Variants in ELAVL3 observed in about 807,000 individuals in gnomAD.
ELAVL3 encodes the protein ELAV like RNA binding protein 3, also known as ELAV-like protein 3.
In ELAVL3, 8 loss-of-function variants were observed where a neutral mutation model predicts 34.2. The observed-to-expected ratio is 0.23, with a 90% confidence interval of 0.14 to 0.42. The LOEUF is 0.42. Ranked by LOEUF, ELAVL3 falls within the 10% of genes least tolerant of loss-of-function variation. The probability of loss-of-function intolerance (pLI) is 1.00; values close to 1 mark genes in which losing one functional copy is unlikely to be tolerated. For missense variants in ELAVL3, 273 were observed against 518.8 expected, an observed-to-expected ratio of 0.53 and a Z score of 4.60; for synonymous variants, 209 against 222.1, an observed-to-expected ratio of 0.94 and a Z score of 0.53.
chr19:11,458,291 C>T lies in ELAVL3; in HGVS notation c.488-5G>A. 2 of 1,613,448 alleles carry T rather than the reference C, an allele frequency of 1.2e-6. No homozygotes were observed. Among genetic ancestry groups the T allele is most frequent in the Non-Finnish European group, 1.7e-6 (2 of 1,179,902 alleles). On this transcript the variant is annotated splice_polypyrimidine_tract_variant and splice_region_variant and intron_variant, in intron 4 of 6. Coordinates refer to ENST00000359227, the MANE Select transcript of ELAVL3 (RefSeq NM_001420.4). The surrounding 1 kb of genome is among the most constrained non-coding windows in gnomAD (Gnocchi z 7.3). Reference sequence around the variant, plus strand: ...ATCCCACACCCCGAGAGACACCTGCCAGGGGGCAGGGATGTCCATCACGAC... The same window carrying T: ...ATCCCACACCCCGAGAGACACCTGCTAGGGGGCAGGGATGTCCATCACGAC...
intron 3 of ELAVL3, among the ~76,000 whole-genome samples, chr19:11,463,259 G>A (rs1057218355): frequency 4.6e-5 from 7 of 152,242 alleles, no homozygotes; most frequent in Admixed American, 1.3e-4. Flanking sequence ...CCTGGCCCGC[G>A]GCAGGCAGCT....
intron 3 of ELAVL3, among the ~76,000 whole-genome samples, chr19:11,464,701 CCA>C (rs1443297296): frequency 1.5e-5 from 2 of 136,394 alleles, no homozygotes; most frequent in African/African-American, 2.8e-5. Flanking sequence ...CACACATACA[CCA>C]CACACACCAC....
chr19:11,469,431 C>T (rs896004953), intron 1 of ELAVL3, among the ~76,000 whole-genome samples: 1 of 152,116 alleles, frequency 6.6e-6, no homozygotes, highest in Non-Finnish European at 1.5e-5. Flanking sequence ...TAGGCATGCG[C>T]CACCATGCCC....
At chr19:11,468,295 T>C (rs1441815462) in intron 1 of ELAVL3, among the ~76,000 whole-genome samples, 1 of 152,188 alleles carries the variant, frequency 6.6e-6, no homozygotes, top group Non-Finnish European at 1.5e-5. Context: ...TTTTATTGTA[T>C]AACATAAAAC....
intron 1 of ELAVL3, among the ~76,000 whole-genome samples, chr19:11,478,822 G>A (rs956759571): frequency 5.9e-5 from 9 of 152,032 alleles, no homozygotes; most frequent in Non-Finnish European, 8.8e-5. Context: ...CCCCAGCTGC[G>A]GCCCCTGGCC....
chr19:11,458,738 C>T lies in ELAVL3; in HGVS notation c.334-127G>A. 7.8e-6 allele frequency: 10 copies of T among 1,289,168 alleles called. No homozygotes were observed. The highest frequency in any genetic ancestry group is 1.1e-5 in the Non-Finnish European group (10 of 934,220). The allele number at this position is 1,289,168 out of a possible 1,614,324, so 79.9% of individuals were successfully genotyped here. The stretch of plus-strand genomic sequence containing the variant: ...CCCATCCGTCACTCAATAAGTATCT[C>T]TAGAGTTGTCACCGTGGGGTGGGGC... On this transcript the variant is annotated intron_variant, in intron 3 of 6. Transcript: ENST00000359227. This position sits in a 1 kb window ranked among gnomAD's most constrained non-coding sequence, Gnocchi z 7.3.
Position 11,466,588 on chromosome 19 carries a change from C to T in ELAVL3, c.229+20G>A, listed in dbSNP as rs200299169. The T allele has an allele frequency of 2.2e-5, 35 of 1,613,046 alleles. No individual in the cohort carries two copies. The highest frequency in any genetic ancestry group is 1.1e-4 in the South Asian group (10 of 91,016). On this transcript the variant is annotated intron_variant, in intron 2 of 6. Transcript: ENST00000359227. The surrounding 1 kb of genome is among the most constrained non-coding windows in gnomAD (Gnocchi z 5.0). Reference sequence around the variant, plus strand: ...TGAGGCTACCACCTCTGTTCCTCCCCGCAACTCCAGCAGCCACACCTGTGA... The same window carrying T: ...TGAGGCTACCACCTCTGTTCCTCCCTGCAACTCCAGCAGCCACACCTGTGA...
Position 11,477,691 on chromosome 19 carries a change from ATT to A in ELAVL3, c.9+2907_9+2908del, listed in dbSNP as rs963586249. On this transcript the variant is annotated intron_variant, in intron 1 of 6. Transcript: ENST00000359227. Reference sequence around the variant, plus strand: ...CTGCTTCTGGACATGCTAGATCCCTATTTTTTTTTTTTTTTTTTTGAGATGGA... The same window carrying A: ...CTGCTTCTGGACATGCTAGATCCCTATTTTTTTTTTTTTTTTTGAGATGGA... Among the ~76,000 whole-genome samples, 305 of 120,106 alleles carry A rather than the reference ATT, an allele frequency of 2.5e-3. 1 individual carries two copies. The highest frequency in any genetic ancestry group is 7.8e-3 in the African/African-American group (251 of 32,206). 78.8% of individuals were successfully genotyped at this position (120,106 alleles called of 152,430 possible). A position where few individuals can be genotyped will look rare whatever the true frequency, so the allele number is the denominator to read the frequency against.
chr19:11,477,607 T>A (rs1030109544), intron 1 of ELAVL3, among the ~76,000 whole-genome samples: 1 of 151,918 alleles, frequency 6.6e-6, no homozygotes, highest in African/African-American at 2.4e-5. Flanking sequence ...AAGAGTTCTA[T>A]GTTGAGTTGC....
Position 11,466,949 on chromosome 19 carries a change from C to A in ELAVL3, c.10-122G>T. ...TAGGGGCTTCGTCATGGGGAGGGGT[C>A]ACTTTATTATTCTAATGATGGGAAT... On this transcript the variant is annotated intron_variant, in intron 1 of 6. Coordinates refer to ENST00000359227, the MANE Select transcript of ELAVL3 (RefSeq NM_001420.4). This position sits in a 1 kb window ranked among gnomAD's most constrained non-coding sequence, Gnocchi z 5.0. 1 of 722,062 alleles carries A rather than the reference C, an allele frequency of 1.4e-6. No homozygotes were observed. Among genetic ancestry groups the A allele is most frequent in the Non-Finnish European group, 2.3e-6 (1 of 441,920 alleles). 44.7% of individuals were successfully genotyped at this position (722,062 alleles called of 1,614,324 possible).
chr19:11,475,764 C>G (rs1971251463), intron 1 of ELAVL3, among the ~76,000 whole-genome samples: 1 of 152,034 alleles, frequency 6.6e-6, no homozygotes, highest in South Asian at 2.1e-4. Context: ...CAGGCGCGCA[C>G]CACCATGCAC....
intron 5 of ELAVL3, 71 bp downstream of exon 5, chr19:11,457,990 A>G: frequency 6.7e-7 from 1 of 1,494,838 alleles, no homozygotes. Flanking sequence ...CTTCGGCAGG[A>G]ATGGGGTTCA....
intron 6 of ELAVL3, among the ~76,000 whole-genome samples, chr19:11,456,776 G>A (rs894757534): frequency 8.6e-5 from 13 of 151,984 alleles, no homozygotes; most frequent in African/African-American, 3.1e-4. Context: ...CGATCCTCCC[G>A]CCTCAGCCTC....
At position 11,454,949 on chromosome 19, in the gene ELAVL3, C is replaced by G; in HGVS notation, c.753-72G>C. 2 of 1,472,332 alleles carry G rather than the reference C, an allele frequency of 1.4e-6. No homozygotes were observed. The highest frequency in any genetic ancestry group is 1.8e-6 in the Non-Finnish European group (2 of 1,096,440). 91.2% of individuals were successfully genotyped at this position (1,472,332 alleles called of 1,614,324 possible). ...CTGACCCCGTTGTGACCCTTCACAC[C>G]TTTATGACCCCTGACTGTGCCATGA... On this transcript the variant is annotated intron_variant, in intron 6 of 6. Coordinates refer to ENST00000359227, the MANE Select transcript of ELAVL3 (RefSeq NM_001420.4). This position sits in a 1 kb window ranked among gnomAD's most constrained non-coding sequence, Gnocchi z 9.2.
rs1291876249 is a variant in ELAVL3, at chr19:11,458,619, A to G, written c.334-8T>C. 1.2e-6 allele frequency: 2 copies of G among 1,613,336 alleles called. No individual in the cohort carries two copies. Among genetic ancestry groups the G allele is most frequent in the South Asian group, 2.2e-5 (2 of 91,080 alleles). The stretch of plus-strand genomic sequence containing the variant: ...GGGTCTGGCATAGGACACCTGGGTG[A>G]GGGGGTCAGATGGACAGGGGTGAGG... On this transcript the variant is annotated splice_polypyrimidine_tract_variant and splice_region_variant and intron_variant, in intron 3 of 6. Coordinates refer to ENST00000359227, the MANE Select transcript of ELAVL3 (RefSeq NM_001420.4). The surrounding 1 kb of genome is among the most constrained non-coding windows in gnomAD (Gnocchi z 7.3).
intron 1 of ELAVL3, among the ~76,000 whole-genome samples, chr19:11,467,335 T>A (rs1410272368): frequency 6.6e-6 from 1 of 151,516 alleles, no homozygotes; most frequent in Non-Finnish European, 1.5e-5. Context: ...GGCAGGAGAA[T>A]TGCTTGAACC....
Position 11,451,492 on chromosome 19 carries a change from G to GT in ELAVL3, c.*3033dup, listed in dbSNP as rs1568374278. On this transcript the variant is annotated 3_prime_UTR_variant, in exon 7 of 7. Transcript: ENST00000359227. ...TTTTTTTTTTTTTGTCTTTTGTTTT[G>GT]TCTTTTTTTTTTTTTTTTTTTTTAC... 39 of 77,280 alleles carry GT rather than the reference G, an allele frequency of 5.0e-4. No individual in the cohort carries two copies. Among genetic ancestry groups the GT allele is most frequent in the South Asian group, 7.9e-4 (2 of 2,546 alleles). 4.8% of individuals were successfully genotyped at this position (77,280 alleles called of 1,614,324 possible). A position where few individuals can be genotyped will look rare whatever the true frequency, so the allele number is the denominator to read the frequency against.
chr19:11,459,640 T>A (rs887697340), intron 3 of ELAVL3, among the ~76,000 whole-genome samples: 3 of 151,768 alleles, frequency 2.0e-5, no homozygotes, highest in African/African-American at 7.3e-5. Flanking sequence ...ATTGAACTTC[T>A]GGCCTCAAGC....
rs765748795 is a variant in ELAVL3, at chr19:11,454,622, G to T, written c.1008C>A (p.Asp336Glu). The T allele has an allele frequency of 3.7e-6, 6 of 1,614,076 alleles. No individual in the cohort carries two copies. In the Admixed American group the frequency reaches 8.3e-5, roughly 22 times the overall value. The change falls in exon 7 of 7, where the codon GAC (aspartate) becomes GAA (glutamate). Residue 336 changes from aspartate to glutamate, a missense_variant. Asp to Glu is a conservative substitution (Grantham distance 45). Transcript: ENST00000359227. The surrounding 1 kb of genome is among the most constrained non-coding windows in gnomAD (Gnocchi z 9.2). ...GFGFVTMTNY[D>E]EAAMAIASLN... ...GGCTGGCGATGGCCATGGCCGCCTC[G>T]TCATAGTTGGTCATGGTCACGAAGC...
Sources: allele counts gnomAD v4.1 joint callset (sites outside exome capture counted in the v4.1 genomes callset), GRCh38; gene constraint gnomAD v4.1.1; non-coding constraint Gnocchi (gnomAD v3.1); transcripts MANE v1.5; gene names NCBI Gene and HGNC (gene_info 2026-07-23, HGNC 2026-07-21).